Variants in MIPOL1 observed in about 807,000 individuals in gnomAD.
MIPOL1 encodes mirror-image polydactyly 1.
Under a neutral mutation model 60.9 loss-of-function variants are expected in MIPOL1, and 57 were observed. That is an observed-to-expected ratio of 0.94 (90% CI 0.76 to 1.17). MIPOL1 has a LOEUF of 1.17. Ranked by LOEUF, MIPOL1 falls within the 50% of genes most tolerant of loss-of-function variation. The pLI is 0.00. For synonymous variants in MIPOL1, 179 were observed against 168.8 expected, an observed-to-expected ratio of 1.06 and a Z score of -0.47; for missense variants, 551 against 511.6, an observed-to-expected ratio of 1.08 and a Z score of -0.74.
intron 1 of MIPOL1, among the ~76,000 whole-genome samples, chr14:37,208,539 C>T (rs1966466726): frequency 6.6e-6 from 1 of 152,088 alleles, no homozygotes; most frequent in African/African-American, 2.4e-5. Flanking sequence ...CATACATGGA[C>T]AGTTTAATGA....
chr14:37,346,183 G>T (rs960856174), intron 9 of MIPOL1, among the ~76,000 whole-genome samples: 1 of 152,104 alleles, frequency 6.6e-6, no homozygotes, highest in Non-Finnish European at 1.5e-5. Flanking sequence ...ACAAAGATTA[G>T]CCAGGTGTGG....
At chr14:37,233,027 T>G (rs1970871077) in intron 1 of MIPOL1, among the ~76,000 whole-genome samples, 1 of 152,218 alleles carries the variant, frequency 6.6e-6, no homozygotes, top group Non-Finnish European at 1.5e-5. Flanking sequence ...CATGCATGTA[T>G]GGCTTCATCT....
intron 1 of MIPOL1, among the ~76,000 whole-genome samples, chr14:37,232,281 A>T (rs921876696): frequency 5.3e-5 from 8 of 152,140 alleles, no homozygotes; most frequent in South Asian, 2.1e-4. Flanking sequence ...TCAGCTAATA[A>T]ATTTTATACA....
chr14:37,216,720 A>G (rs923538978), intron 1 of MIPOL1, among the ~76,000 whole-genome samples: 1 of 152,196 alleles, frequency 6.6e-6, no homozygotes, highest in African/African-American at 2.4e-5. Context: ...GAAAATTGAA[A>G]AATTTCTTGA....
rs569077428 is a variant in MIPOL1 at position 37,510,930 on chromosome 14, A to G, written c.1262+10792A>G. ...CCACCACCACACCTTTCACTCTCCGAGGAGCTGGCAGTGCTTACTTCCTGT... is the reference window on the plus strand; with the variant it reads ...CCACCACCACACCTTTCACTCTCCGGGGAGCTGGCAGTGCTTACTTCCTGT... On this transcript the variant is annotated intron_variant, in intron 12 of 12. Transcript: ENST00000684589. 3.9e-5 allele frequency among the ~76,000 whole-genome samples: 6 copies of G among 152,202 alleles called. No individual in the cohort carries two copies. The South Asian group carries it at 1.2e-3, about 32-fold the overall frequency.
chr14:37,505,062 G>C (rs1371327783), intron 12 of MIPOL1: 1 of 152,130 alleles, frequency 6.6e-6, no homozygotes, highest in Non-Finnish European at 1.5e-5. Flanking sequence ...GGAGGAAGTT[G>C]ATCCTCTAAA....
At position 37,272,511 on chromosome 14, in the gene MIPOL1, G is replaced by T. The variant is rs1196566052; in HGVS notation, c.493+1986G>T. 1.4e-4 allele frequency among the ~76,000 whole-genome samples: 21 copies of T among 151,398 alleles called. 1 individual carries two copies. Among genetic ancestry groups the T allele is most frequent in the Admixed American group, 1.4e-3 (21 of 15,176 alleles). On this transcript the variant is annotated intron_variant, in intron 6 of 12. Transcript: ENST00000684589. ...TTTCATATTTTCCCATTTTATGTATGGTCTTAATAAACTTGTCTTAAATAA... is the reference window on the plus strand; with the variant it reads ...TTTCATATTTTCCCATTTTATGTATTGTCTTAATAAACTTGTCTTAAATAA...
chr14:37,329,160 A>C (rs187392812), intron 9 of MIPOL1, among the ~76,000 whole-genome samples: 1 of 152,240 alleles, frequency 6.6e-6, no homozygotes. Context: ...GATTGCTCTT[A>C]AGTTAATCAC....
At chr14:37,546,071 T>C (rs2095546263) in intron 12 of MIPOL1, 1 of 157,020 alleles carries the variant, frequency 6.4e-6, no homozygotes. Flanking sequence ...GGTCTGATTC[T>C]ATCATCTTTT....
At chr14:37,525,968 T>G (rs541377804) in intron 12 of MIPOL1, among the ~76,000 whole-genome samples, 1 of 152,282 alleles carries the variant, frequency 6.6e-6, no homozygotes, top group Non-Finnish European at 1.5e-5. Flanking sequence ...GTATTGAATA[T>G]TCCTCAATGA....
intron 6 of MIPOL1, among the ~76,000 whole-genome samples, chr14:37,283,229 C>G (rs565305641): frequency 8.2e-4 from 125 of 152,216 alleles, no homozygotes; most frequent in African/African-American, 2.7e-3. Context: ...CCACATCCAG[C>G]TAATTTTTTG....
intron 7 of MIPOL1, among the ~76,000 whole-genome samples, chr14:37,296,036 T>C (rs779805840): frequency 6.6e-6 from 1 of 152,112 alleles, no homozygotes; most frequent in South Asian, 2.1e-4. Flanking sequence ...TATTCCAAAA[T>C]AGACCACATA....
chr14:37,479,717 T>A (rs1483626512), intron 11 of MIPOL1, among the ~76,000 whole-genome samples: 3 of 151,914 alleles, frequency 2.0e-5, no homozygotes, highest in African/African-American at 7.2e-5. Flanking sequence ...AAGTACAGAC[T>A]AGAAAAACAG....
At chr14:37,392,519 TTTCC>T (rs1218965465) in intron 10 of MIPOL1, among the ~76,000 whole-genome samples, 1 of 152,222 alleles carries the variant, frequency 6.6e-6, no homozygotes, top group Non-Finnish European at 1.5e-5. Context: ...TTTATTTCCT[TTTCC>T]TTCCTTATTG....
At chr14:37,279,140 A>T (rs909014082) in intron 6 of MIPOL1, among the ~76,000 whole-genome samples, 1 of 151,304 alleles carries the variant, frequency 6.6e-6, no homozygotes, top group Admixed American at 6.6e-5. Context: ...AATGTAATTT[A>T]ACTGCTGTGA....
At chr14:37,346,112 T>G (rs1035765523) in intron 9 of MIPOL1, among the ~76,000 whole-genome samples, 4 of 152,080 alleles carry the variant, frequency 2.6e-5, no homozygotes, top group Non-Finnish European at 5.9e-5. Context: ...GACAGATCAA[T>G]TGAGGTCAGA....
chr14:37,438,120 G>C (rs1227052274), intron 11 of MIPOL1, among the ~76,000 whole-genome samples: 1 of 151,988 alleles, frequency 6.6e-6, no homozygotes, highest in African/African-American at 2.4e-5. Flanking sequence ...TTTGTTTTCA[G>C]GAGTTGTTTA....
intron 3 of MIPOL1, chr14:37,265,151 T>A (rs1218881643): frequency 6.6e-6 from 1 of 152,314 alleles, no homozygotes; most frequent in African/African-American, 2.4e-5. Context: ...CTATTCTTCC[T>A]ATTTTTATAG....
At chr14:37,359,227 G>A (rs1218302208) in intron 9 of MIPOL1, among the ~76,000 whole-genome samples, 1 of 152,116 alleles carries the variant, frequency 6.6e-6, no homozygotes, top group African/African-American at 2.4e-5. Context: ...TGCTGTTTTG[G>A]TTACTGTAGC....
Sources: gnomAD v4.1 joint callset for allele counts (sites outside exome capture counted in the v4.1 genomes callset) on GRCh38, gnomAD v4.1.1 for gene constraint, MANE v1.5 for transcripts, NCBI Gene and HGNC (gene_info 2026-07-23, HGNC 2026-07-21) for gene names.